Variants in WDR7 observed in about 807,000 individuals in gnomAD.
WDR7 encodes the protein WD repeat domain 7, also known as WD repeat-containing protein 7.
WDR7 carries 46 observed loss-of-function variants against 169.4 expected under a neutral mutation model. The ratio of observed to expected loss-of-function variants is 0.27; its 90% CI spans 0.21 to 0.35. WDR7 has a LOEUF of 0.35. WDR7 is among the 10% of genes least tolerant of loss of function. The pLI is 1.00. For synonymous variants in WDR7, 612 were observed against 666.8 expected, an observed-to-expected ratio of 0.92 and a Z score of 1.27; for missense variants, 1,534 against 1,859.3, an observed-to-expected ratio of 0.83 and a Z score of 3.22.
chr18:56,801,376 A>G (rs2044670285), intron 19 of WDR7, among the ~76,000 whole-genome samples: 2 of 152,142 alleles, frequency 1.3e-5, no homozygotes, highest in East Asian at 1.9e-4. Flanking sequence ...CAGTGAGGTT[A>G]TGTCCTACAT....
chr18:56,738,798 CTTTTTTTT>C (rs10547813), intron 14 of WDR7, among the ~76,000 whole-genome samples: 3,593 of 59,180 alleles, frequency 0.061, 162 homozygotes, highest in African/African-American at 0.2. Context: ...GCATAAAATC[CTTTTTTTT>C]TTTTTTTTTT....
At chr18:56,667,343 T>C (rs2025045929) in intron 1 of WDR7, among the ~76,000 whole-genome samples, 1 of 152,198 alleles carries the variant, frequency 6.6e-6, no homozygotes, top group South Asian at 2.1e-4. Flanking sequence ...CCCAGGCTTT[T>C]TGCAGTAGCA....
chr18:56,940,339 CTA>C (rs2047017095), intron 25 of WDR7, among the ~76,000 whole-genome samples: 1 of 152,238 alleles, frequency 6.6e-6, no homozygotes, highest in African/African-American at 2.4e-5. Flanking sequence ...TGATTGTACT[CTA>C]TGAGCCTTCG....
chr18:56,914,512 C>G (rs917112125), intron 21 of WDR7, among the ~76,000 whole-genome samples: 1 of 152,148 alleles, frequency 6.6e-6, no homozygotes, highest in Non-Finnish European at 1.5e-5. Context: ...GAACTGAAAC[C>G]TGGCTGTTCT....
chr18:56,829,842 G>A (rs1466062048), intron 20 of WDR7, among the ~76,000 whole-genome samples: 4 of 152,176 alleles, frequency 2.6e-5, no homozygotes, highest in Admixed American at 6.5e-5. Flanking sequence ...GAGTGTGTAT[G>A]TGATGTATGC....
At chr18:56,826,565 A>C (rs1417995419) in intron 20 of WDR7, among the ~76,000 whole-genome samples, 1 of 152,222 alleles carries the variant, frequency 6.6e-6, no homozygotes, top group South Asian at 2.1e-4. Context: ...GGTAATATTT[A>C]ATATTTGAAG....
intron 20 of WDR7, among the ~76,000 whole-genome samples, chr18:56,855,234 G>GTT (rs57565346): frequency 2.5e-4 from 37 of 150,670 alleles, no homozygotes; most frequent in East Asian, 1.9e-3. Flanking sequence ...TCTTTTGCCT[G>GTT]TTTTTTTTTC....
At chr18:56,655,534 C>T (rs1379453815) in intron 1 of WDR7, among the ~76,000 whole-genome samples, 2 of 150,464 alleles carry the variant, frequency 1.3e-5, no homozygotes, top group African/African-American at 2.5e-5. Context: ...GTGGGAGGAT[C>T]ACCTAAGCCT....
intron 2 of WDR7, among the ~76,000 whole-genome samples, chr18:56,675,744 A>T (rs929005920): frequency 6.6e-6 from 1 of 152,020 alleles, no homozygotes; most frequent in Non-Finnish European, 1.5e-5. Flanking sequence ...AACAATATTG[A>T]ATAGAAGTGG....
At chr18:56,867,010 CTTATTTAT>C (rs200285872) in intron 20 of WDR7, among the ~76,000 whole-genome samples, 25 of 148,570 alleles carry the variant, frequency 1.7e-4, no homozygotes, top group East Asian at 9.7e-4. Flanking sequence ...TATTTACTTA[CTTATTTAT>C]TTATTTATTT....
chr18:56,758,146 A>G (rs1473775251), intron 15 of WDR7, among the ~76,000 whole-genome samples: 1 of 152,220 alleles, frequency 6.6e-6, no homozygotes, highest in Non-Finnish European at 1.5e-5. Flanking sequence ...TTTCCAGAAT[A>G]CTTAGCCTCA....
intron 20 of WDR7, among the ~76,000 whole-genome samples, chr18:56,846,307 A>G (rs1354428019): frequency 6.6e-6 from 1 of 151,990 alleles, no homozygotes; most frequent in Admixed American, 6.6e-5. Context: ...CTCAACTTGA[A>G]TTGTATCTCC....
chr18:56,875,121 A>G (rs2046005858), intron 20 of WDR7, among the ~76,000 whole-genome samples: 1 of 152,222 alleles, frequency 6.6e-6, no homozygotes, highest in African/African-American at 2.4e-5. Flanking sequence ...CGTGTCCTCC[A>G]GAAGTTTTTT....
intron 16 of WDR7, among the ~76,000 whole-genome samples, chr18:56,759,444 G>A (rs1166912180): frequency 6.6e-6 from 1 of 151,962 alleles, no homozygotes; most frequent in East Asian, 1.9e-4. Context: ...CTATAGCTTT[G>A]TTTTTCATTA....
chr18:56,754,427 A>G (rs1445218932), intron 14 of WDR7, among the ~76,000 whole-genome samples: 3 of 151,494 alleles, frequency 2.0e-5, no homozygotes, highest in Admixed American at 2.0e-4. Context: ...ACACAAATAT[A>G]TATAAGCAGT....
At chr18:56,657,856 C>A (rs1186378689) in intron 1 of WDR7, among the ~76,000 whole-genome samples, 1 of 151,952 alleles carries the variant, frequency 6.6e-6, no homozygotes, top group Non-Finnish European at 1.5e-5. Flanking sequence ...ATATTACATT[C>A]ATGAAGTATT....
chr18:56,848,981 T>C (rs761455101), intron 20 of WDR7, among the ~76,000 whole-genome samples: 2 of 152,218 alleles, frequency 1.3e-5, no homozygotes, highest in Non-Finnish European at 2.9e-5. Flanking sequence ...TCCCACTTAC[T>C]AAATAATTAA....
At chr18:56,902,492 G>A (rs1410888317) in intron 21 of WDR7, among the ~76,000 whole-genome samples, 2 of 152,156 alleles carry the variant, frequency 1.3e-5, no homozygotes, top group Non-Finnish European at 1.5e-5. Flanking sequence ...ATCATGTACA[G>A]ACAGACATCC....
chr18:57,017,477 C>CTGTGTGTGTGTGTG (rs57440164), intron 26 of WDR7, among the ~76,000 whole-genome samples: 18 of 134,728 alleles, frequency 1.3e-4, no homozygotes, highest in South Asian at 2.6e-4. Context: ...CCAAGTCATG[C>CTGTGTGTGTGTGTG]TGTGTGTGTG....
Sources: gnomAD v4.1 joint callset for allele counts (sites outside exome capture counted in the v4.1 genomes callset) on GRCh38, gnomAD v4.1.1 for gene constraint, MANE v1.5 for transcripts, NCBI Gene and HGNC (gene_info 2026-07-23, HGNC 2026-07-21) for gene names.